HDAC2: variants seen among roughly 807,000 people sequenced by gnomAD.
The protein encoded by HDAC2 is histone deacetylase 2.
In HDAC2, 5 loss-of-function variants were observed where a neutral mutation model predicts 68.5. That is an observed-to-expected ratio of 0.07 (90% CI 0.04 to 0.15). The LOEUF is 0.15. HDAC2 is among the 10% of genes least tolerant of loss of function. The pLI is 1.00. For synonymous variants in HDAC2, 182 were observed against 191.3 expected (o/e 0.95, Z 0.40); for missense variants, 291 against 600.8 (o/e 0.48, Z 5.39).
rs1429009464 is a variant in HDAC2, at chr6:113,971,005, G to A, written c.-97C>T. 1.3e-6 allele frequency: 2 copies of A among 1,577,200 alleles called. No homozygotes were observed. The highest frequency in any genetic ancestry group is 1.3e-5 in the African/African-American group (1 of 74,462). On this transcript the variant is annotated 5_prime_UTR_variant, in exon 1 of 14. Coordinates refer to ENST00000519065, the MANE Select transcript of HDAC2 (RefSeq NM_001527.4). ...TCGGCCGGGAGAGAAAAGGGCTGAG[G>A]GAAACGTGGGGGCGATAGTCCCGCG...
chr6:113,970,673 CG>C (rs1776974117), intron 1 of HDAC2, 183 bp downstream of exon 1: 2 of 1,352,596 alleles, frequency 1.5e-6, no homozygotes, highest in Non-Finnish European at 1.9e-6. Context: ...GCAGGAACCG[CG>C]GGGGCTGCGC....
At chr6:113,958,851 G>C in intron 2 of HDAC2, 85 bp from the exon 3 acceptor site, 1 of 821,316 alleles carries the variant, frequency 1.2e-6, no homozygotes, top group Non-Finnish European at 2.0e-6. Flanking sequence ...TTCCCCTATC[G>C]GTCCCCTCAA....
chr6:113,970,271 G>C (rs1776950661), intron 1 of HDAC2: 1 of 189,554 alleles, frequency 5.3e-6, no homozygotes, highest in Non-Finnish European at 9.8e-6. Context: ...GAGGGGTCCG[G>C]GGAAAGGGTA....
At chr6:113,968,809 G>A (rs1335586314) in intron 1 of HDAC2, 1 of 152,162 alleles carries the variant, frequency 6.6e-6, no homozygotes, top group Non-Finnish European at 1.5e-5. Context: ...CCACAACGAA[G>A]GTTATCATAA....
chr6:113,959,400 C>T lies in HDAC2; in HGVS notation c.165+506G>A, dbSNP rs144361912. ...CGTGTCTGTATTTGTTTATACATAC[C>T]CTCATCTTTATCTACAAAAACATTA... On this transcript the variant is annotated intron_variant, in intron 2 of 13. Transcript: ENST00000519065. 4.5e-3 allele frequency among the ~76,000 whole-genome samples: 684 copies of T among 151,644 alleles called. 9 individuals carry two copies. The South Asian group carries it at 0.055, about 12-fold the overall frequency.
At chr6:113,949,544 G>A (rs946801614) in intron 6 of HDAC2, among the ~76,000 whole-genome samples, 4 of 147,556 alleles carry the variant, frequency 2.7e-5, no homozygotes, top group Admixed American at 6.8e-5. Context: ...ACAAGTTAAA[G>A]GCAATGAAAT....
chr6:113,948,645 C>A, intron 8 of HDAC2: 1 of 208,696 alleles, frequency 4.8e-6, no homozygotes, highest in Non-Finnish European at 9.6e-6. Flanking sequence ...GAGCTAAACC[C>A]TCTTCTTCCT....
At chr6:113,956,463 G>T in intron 4 of HDAC2, 156 bp downstream of exon 4, 1 of 614,226 alleles carries the variant, frequency 1.6e-6, no homozygotes, top group South Asian at 2.2e-5. Context: ...ATAAAACATA[G>T]AGGTTTGAAA....
intron 1 of HDAC2, among the ~76,000 whole-genome samples, chr6:113,966,455 G>A (rs1290241068): frequency 6.6e-6 from 1 of 151,836 alleles, no homozygotes; most frequent in Non-Finnish European, 1.5e-5. Flanking sequence ...GGGAGGCTGA[G>A]GCAAGAGAAT....
At chr6:113,947,672 T>C (rs935579096) in intron 8 of HDAC2, 3 of 152,162 alleles carry the variant, frequency 2.0e-5, no homozygotes, top group Non-Finnish European at 4.4e-5. Context: ...AGGCAAAAGA[T>C]GGTTATTAAC....
At chr6:113,945,281 C>A in intron 10 of HDAC2, 81 bp downstream of exon 10, 2 of 586,368 alleles carry the variant, frequency 3.4e-6, no homozygotes, top group Non-Finnish European at 6.1e-6. Flanking sequence ...GTTAAAAAGA[C>A]CCATCATACT....
chr6:113,967,001 A>G (rs1776838461), intron 1 of HDAC2, among the ~76,000 whole-genome samples: 1 of 152,248 alleles, frequency 6.6e-6, no homozygotes, highest in Admixed American at 6.5e-5. Context: ...CTAAGAACCC[A>G]TGTAGTTGTA....
chr6:113,948,957 T>C, intron 8 of HDAC2, 22 bp downstream of exon 8: 1 of 1,606,428 alleles, frequency 6.2e-7, no homozygotes, highest in Non-Finnish European at 8.5e-7. Context: ...TTTCTGGAAA[T>C]ACCACCCTTT....
chr6:113,967,811 T>A (rs186680562), intron 1 of HDAC2, among the ~76,000 whole-genome samples: 2 of 152,230 alleles, frequency 1.3e-5, no homozygotes, highest in African/African-American at 4.8e-5. Context: ...ATTAGCTGTA[T>A]CATTTTACAG....
In HDAC2 at chr6:113,970,392, C is replaced by T. The variant is rs759891273; in HGVS notation, c.52+465G>A. The T allele has an allele frequency of 1.7e-4, 158 of 938,306 alleles. 1 individual carries two copies. The highest frequency in any genetic ancestry group is 3.0e-4 in the Admixed American group (5 of 16,408). 58.1% of individuals were successfully genotyped at this position (938,306 alleles called of 1,614,324 possible). On this transcript the variant is annotated intron_variant, in intron 1 of 13. Coordinates refer to ENST00000519065, the MANE Select transcript of HDAC2 (RefSeq NM_001527.4). The stretch of plus-strand genomic sequence containing the variant: ...GGGCGGAGCTCTCGCGGCCGCGGGG[C>T]TTTGTGTAGAGTCAAGGCCGGGATA...
chr6:113,946,874 T>C (rs1454095303), intron 8 of HDAC2: 4 of 152,096 alleles, frequency 2.6e-5, no homozygotes, highest in African/African-American at 9.7e-5. Flanking sequence ...CATTTGTGCA[T>C]ACTGAAGAGT....
In HDAC2 at chr6:113,953,265, A is replaced by C. The variant is rs374441314; in HGVS notation, c.639+12T>G. The C allele has an allele frequency of 2.5e-6, 4 of 1,598,562 alleles. No individual in the cohort carries two copies. Among genetic ancestry groups the C allele is most frequent in the Non-Finnish European group, 2.6e-6 (3 of 1,168,730 alleles). ...ATCTCACAATATTTTTTCAGACAGA[A>C]TTTAGTCTTACCCTCAAGTCTCCTG... On this transcript the variant is annotated intron_variant, in intron 6 of 13. Transcript: ENST00000519065.
rs1776049429 is a variant in HDAC2, at chr6:113,938,217, T to A, written c.*2841A>T. On this transcript the variant is annotated 3_prime_UTR_variant, in exon 14 of 14. Transcript: ENST00000519065. ...AAAAAATAAGTCTCTCTATAGCTTT[T>A]TATTTACTGAGGTTAAAGATCTTTT... The A allele has an allele frequency of 6.6e-6, 1 of 151,326 alleles. No homozygotes were observed. Among genetic ancestry groups the A allele is most frequent in the South Asian group, 2.1e-4 (1 of 4,820 alleles). 9.4% of individuals were successfully genotyped at this position (151,326 alleles called of 1,614,324 possible). A position where few individuals can be genotyped will look rare whatever the true frequency, so the allele number is the denominator to read the frequency against.
intron 11 of HDAC2, among the ~76,000 whole-genome samples, 153 bp from the exon 12 acceptor site, chr6:113,943,659 T>C (rs746922822): frequency 2.0e-5 from 3 of 152,204 alleles, no homozygotes; most frequent in East Asian, 1.9e-4. Flanking sequence ...ATGGAATGAA[T>C]GGTTTATTTA....
Sources: allele counts gnomAD v4.1 joint callset (sites outside exome capture counted in the v4.1 genomes callset), GRCh38; gene constraint gnomAD v4.1.1; transcripts MANE v1.5; gene names NCBI Gene and HGNC (gene_info 2026-07-23, HGNC 2026-07-21).